PJA2: variants seen among roughly 807,000 people sequenced by gnomAD.
PJA2 encodes E3 ubiquitin-protein ligase Praja-2.
A neutral mutation model predicts 69.3 loss-of-function variants in PJA2; 25 were observed. The observed-to-expected ratio is 0.36, with a 90% CI of 0.26 to 0.50. The LOEUF is 0.50. Among genes scored for constraint, PJA2 ranks in the 20% least tolerant of loss-of-function variants. The pLI, the probability that PJA2 is intolerant of heterozygous loss-of-function variation, is 0.96. For missense variants in PJA2, 809 were observed against 830.2 expected, an observed-to-expected ratio of 0.97 and a Z score of 0.31; for synonymous variants, 308 against 277.8, an observed-to-expected ratio of 1.11 and a Z score of -1.08.
intron 7 of PJA2, among the ~76,000 whole-genome samples, chr5:109,354,023 TGATATCTAGA>T (rs1762341484): frequency 2.1e-5 from 2 of 95,756 alleles, no homozygotes; most frequent in Non-Finnish European, 5.3e-5. Context: ...TAGATATCTA[TGATATCTAGA>T]GATATCTATA....
intron 6 of PJA2, among the ~76,000 whole-genome samples, chr5:109,361,691 T>C (rs1352406722): frequency 6.6e-6 from 1 of 152,232 alleles, no homozygotes; most frequent in African/African-American, 2.4e-5. Flanking sequence ...TTCTCCATAA[T>C]GCATGGGAAA....
chr5:109,395,964 C>T (rs1003198052), intron 1 of PJA2, among the ~76,000 whole-genome samples: 13 of 146,612 alleles, frequency 8.9e-5, no homozygotes, highest in African/African-American at 3.2e-4. Flanking sequence ...TGCACCACTG[C>T]ACTCCAGCTT....
intron 9 of PJA2, among the ~76,000 whole-genome samples, chr5:109,343,352 A>T (rs1170260770): frequency 7.9e-3 from 4 of 506 alleles, no homozygotes; most frequent in Non-Finnish European, 0.013. Context: ...ATGTACCATA[A>T]AAAAAAAAAA....
intron 1 of PJA2, among the ~76,000 whole-genome samples, chr5:109,397,971 C>G (rs980318362): frequency 1.1e-4 from 17 of 152,026 alleles, no homozygotes; most frequent in Non-Finnish European, 2.4e-4. Flanking sequence ...AAAAAACAAC[C>G]CCATCAAAAA....
chr5:109,373,847 T>C (rs768991435), intron 4 of PJA2, among the ~76,000 whole-genome samples: 4 of 152,180 alleles, frequency 2.6e-5, no homozygotes, highest in Non-Finnish European at 4.4e-5. Flanking sequence ...AATGAAATTA[T>C]AGACAAAATT....
At chr5:109,349,414 G>C (rs985830999) in intron 7 of PJA2, among the ~76,000 whole-genome samples, 7 of 152,142 alleles carry the variant, frequency 4.6e-5, no homozygotes, top group Non-Finnish European at 8.8e-5. Flanking sequence ...ACTGGGACTA[G>C]AGTGATGTTC....
At chr5:109,377,271 T>G (rs1746912594) in intron 4 of PJA2, among the ~76,000 whole-genome samples, 1 of 152,078 alleles carries the variant, frequency 6.6e-6, no homozygotes, top group South Asian at 2.1e-4. Flanking sequence ...TTATAGTACT[T>G]TCTAACTAAA....
At chr5:109,405,685 G>C (rs1200908695) in intron 1 of PJA2, among the ~76,000 whole-genome samples, 1 of 152,110 alleles carries the variant, frequency 6.6e-6, no homozygotes, top group Non-Finnish European at 1.5e-5. Flanking sequence ...ATATACATTT[G>C]AAAAGAAAAT....
At chr5:109,358,078 C>T (rs1021961770) in intron 6 of PJA2, among the ~76,000 whole-genome samples, 3 of 152,190 alleles carry the variant, frequency 2.0e-5, no homozygotes, top group African/African-American at 7.2e-5. Flanking sequence ...TGGCCATAAA[C>T]TGGCCCCAAA....
chr5:109,407,230 T>C (rs986228108), intron 1 of PJA2, among the ~76,000 whole-genome samples: 2 of 152,190 alleles, frequency 1.3e-5, no homozygotes, highest in African/African-American at 2.4e-5. Context: ...GTTGATTTTC[T>C]AAGAGGGTGC....
chr5:109,359,472 C>CACCAAACCAAATCA (rs1762475977), intron 6 of PJA2, among the ~76,000 whole-genome samples: 1 of 152,202 alleles, frequency 6.6e-6, no homozygotes, highest in Non-Finnish European at 1.5e-5. Context: ...AATTTTATAT[C>CACCAAACCAAATCA]ACCAGTAATG....
At chr5:109,360,940 C>T (rs1399682854) in intron 6 of PJA2, among the ~76,000 whole-genome samples, 1 of 152,088 alleles carries the variant, frequency 6.6e-6, no homozygotes, top group Non-Finnish European at 1.5e-5. Context: ...CCAGCCCGGG[C>T]AACATGGTGA....
Position 109,378,577 on chromosome 5 carries a change from T to C in PJA2, c.910A>G (p.Lys304Glu), listed in dbSNP as rs762903878. The C allele has an allele frequency of 1.9e-6, 3 of 1,614,198 alleles. No homozygotes were observed. The highest frequency in any genetic ancestry group is 2.2e-5 in the South Asian group (2 of 91,080). ...TGTTCAGGAGAACTTCCATGGTTCTTTTCCCTATCATTGGTATTTTGTTCA... is the reference window on the plus strand; with the variant it reads ...TGTTCAGGAGAACTTCCATGGTTCTCTTCCCTATCATTGGTATTTTGTTCA... ...CSEQNTNDRE[K>E]NHGSSPEQVV... Residue 304 changes from lysine (K) to glutamate (E), a missense_variant, in exon 4 of 10, where the codon AAG becomes GAG. Around this residue, in one of 4 missense-constraint regions of PJA2, gnomAD observed 700 missense variants for 639.5 expected, o/e 1.09. Coordinates refer to ENST00000361189, the MANE Select transcript of PJA2 (RefSeq NM_014819.5).
intron 7 of PJA2, among the ~76,000 whole-genome samples, chr5:109,351,577 A>G (rs948605948): frequency 6.6e-6 from 1 of 152,088 alleles, no homozygotes; most frequent in East Asian, 1.9e-4. Context: ...GTGCAAGGGG[A>G]TTTTTTCAAA....
At chr5:109,381,446 A>G (rs1310636258) in intron 3 of PJA2, 57 bp downstream of exon 3, 10 of 1,467,000 alleles carry the variant, frequency 6.8e-6, no homozygotes, top group Non-Finnish European at 9.3e-6. Flanking sequence ...AAATTTAATT[A>G]TAAGATCAAT....
chr5:109,384,417 G>C (rs1053396442), intron 1 of PJA2, among the ~76,000 whole-genome samples: 1 of 152,116 alleles, frequency 6.6e-6, no homozygotes, highest in Non-Finnish European at 1.5e-5. Flanking sequence ...AATACAAAAA[G>C]AACTTCTGTT....
intron 1 of PJA2, chr5:109,390,531 TA>T (rs1384340925): frequency 1.3e-5 from 2 of 152,044 alleles, no homozygotes; most frequent in East Asian, 3.8e-4. Context: ...TAATGTCTGA[TA>T]ATCTTTCTCT....
At chr5:109,400,356 G>A (rs187149121) in intron 1 of PJA2, among the ~76,000 whole-genome samples, 139 of 150,914 alleles carry the variant, frequency 9.2e-4, no homozygotes, top group African/African-American at 3.1e-3. Flanking sequence ...TGATTTAACT[G>A]AAAAGAAACA....
At chr5:109,370,755 C>A (rs781008990) in intron 4 of PJA2, among the ~76,000 whole-genome samples, 4 of 152,022 alleles carry the variant, frequency 2.6e-5, no homozygotes, top group African/African-American at 9.7e-5. Context: ...GCTAAATTAC[C>A]AACTCCTATT....
Sources: allele counts gnomAD v4.1 joint callset (sites outside exome capture counted in the v4.1 genomes callset), GRCh38; gene constraint gnomAD v4.1.1; regional missense constraint gnomAD v4.1.1; transcripts MANE v1.5; gene names NCBI Gene and HGNC (gene_info 2026-07-23, HGNC 2026-07-21).